Variants in NGLY1 observed in about 807,000 individuals in gnomAD.
NGLY1 encodes N-glycanase 1, also known as peptide-N(4)-(N-acetyl-beta-glucosaminyl)asparagine amidase.
A neutral mutation model predicts 84.6 loss-of-function variants in NGLY1; 68 were observed. The observed-to-expected ratio is 0.80, with a 90% CI of 0.66 to 0.98. The LOEUF (loss-of-function observed/expected upper bound fraction) is 0.98. Ranked by LOEUF, NGLY1 falls within the 50% of genes least tolerant of loss-of-function variation. The probability of loss-of-function intolerance (pLI) is 0.00; values close to 1 mark genes in which losing one functional copy is unlikely to be tolerated. For missense variants in NGLY1, 779 were observed against 770.2 expected (o/e 1.01, Z -0.14); for synonymous variants, 280 against 275.2 (o/e 1.02, Z -0.17).
chr3:25,722,328 T>C (rs1705043606), intron 10 of NGLY1, among the ~76,000 whole-genome samples: 1 of 151,856 alleles, frequency 6.6e-6, no homozygotes, highest in Non-Finnish European at 1.5e-5. Context: ...AACATCTAAC[T>C]CATACTCTAG....
Position 25,739,585 on chromosome 3 carries a change from T to A in NGLY1, c.873A>T (p.Arg291=). 1 of 1,614,072 alleles carries A rather than the reference T, an allele frequency of 6.2e-7. No homozygotes were observed. The highest frequency in any genetic ancestry group is 8.5e-7 in the Non-Finnish European group (1 of 1,179,964). ...HYCDACQFSN[R]FPRYNNPEKL... ...CCATCCAGGGCACCCACCTTGGGAA[T>A]CGATTGCTGAACTGGCAGGCATCAC... The change falls in exon 5 of 12, where the codon CGA becomes CGT. Residue 291 remains arginine, a synonymous_variant. Transcript: ENST00000280700.
At chr3:25,719,772 G>A (rs1704886718) in intron 11 of NGLY1, 137 bp from the exon 12 acceptor site, 2 of 728,442 alleles carry the variant, frequency 2.7e-6, no homozygotes, top group Middle Eastern at 3.5e-4. Flanking sequence ...TATTCTTTAT[G>A]GAAGAAATGC....
chr3:25,789,750 C>G, intron 1 of NGLY1: 1 of 1,289,396 alleles, frequency 7.8e-7, no homozygotes, highest in South Asian at 1.3e-5. Context: ...TTCCTTAATT[C>G]TTTCTTACAA....
At chr3:25,784,190 C>G (rs1340602469), upstream of NGLY1, 1 of 152,174 alleles carries the variant, frequency 6.6e-6, no homozygotes, top group African/African-American at 2.4e-5. Flanking sequence ...CAGAATTTGG[C>G]TAATGACTGA....
rs1239338467 is a variant in NGLY1, at chr3:25,783,407, G to GCGC, written c.-20_-18dup. On this transcript the variant is annotated 5_prime_UTR_variant, in exon 1 of 12. Transcript: ENST00000280700. This position sits in a 1 kb window ranked among gnomAD's most constrained non-coding sequence, Gnocchi z 4.5. ...CGCCGCCATGCTTGAGCGCCAGCGGGCGCCGCCGCCGCCCCTCGCTCTCCG... is the reference window on the plus strand; with the variant it reads ...CGCCGCCATGCTTGAGCGCCAGCGGGCGCCGCCGCCGCCGCCCCTCGCTCTCCG... The GCGC allele has an allele frequency of 2.0e-6, 3 of 1,522,680 alleles. No individual in the cohort carries two copies. The highest frequency in any genetic ancestry group is 2.4e-5 in the South Asian group (2 of 82,934). 94.3% of individuals were successfully genotyped at this position (1,522,680 alleles called of 1,614,324 possible). A position where few individuals can be genotyped will look rare whatever the true frequency, so the allele number is the denominator to read the frequency against.
At chr3:25,780,906 T>C (rs763294221) in intron 1 of NGLY1, among the ~76,000 whole-genome samples, 2 of 152,178 alleles carry the variant, frequency 1.3e-5, no homozygotes, top group African/African-American at 2.4e-5. Context: ...CTTTGTTATT[T>C]TGATATATGT....
chr3:25,729,499 T>C (rs892826512), intron 9 of NGLY1, 181 bp from the exon 10 acceptor site: 2 of 364,632 alleles, frequency 5.5e-6, no homozygotes, highest in East Asian at 4.1e-5. Flanking sequence ...TTATTATAAC[T>C]CTAAACATTA....
rs375967353 is a variant in NGLY1 at position 25,778,599 on chromosome 3, C to T, written c.221G>A (p.Cys74Tyr). 4 of 1,610,408 alleles carry T rather than the reference C, an allele frequency of 2.5e-6. No homozygotes were observed. In the African/African-American group the frequency reaches 5.4e-5, roughly 22 times the overall value. ...RLLPVRGAVE[C>Y]LFEMGFEEGE... is the part of the protein sequence containing the mutation. ...CTCTTCAAAGCCCATTTCAAATAAA[C>T]ATTCAACAGCTCCTCTGACAGGCAA... Residue 74 changes from cysteine to tyrosine, a missense_variant, in exon 2 of 12, where the codon TGT becomes TAT. By Grantham distance (194) the Cys-to-Tyr change is radical. Transcript: ENST00000280700.
intron 4 of NGLY1, among the ~76,000 whole-genome samples, chr3:25,745,398 G>GT (rs1706369293): frequency 6.6e-6 from 1 of 152,166 alleles, no homozygotes; most frequent in Non-Finnish European, 1.5e-5. Flanking sequence ...ATCCTGAAGT[G>GT]TATTTCAAGG....
chr3:25,772,200 C>G (rs1309490119), intron 2 of NGLY1, among the ~76,000 whole-genome samples: 1 of 152,110 alleles, frequency 6.6e-6, no homozygotes, highest in African/African-American at 2.4e-5. Context: ...AAGGTATGTC[C>G]CTTCTATGCC....
At chr3:25,736,457 A>T in intron 6 of NGLY1, 3 of 1,394,350 alleles carry the variant, frequency 2.2e-6, no homozygotes, top group Non-Finnish European at 3.0e-6. Context: ...TGAGTTTACT[A>T]TCATGAAGGA....
chr3:25,755,427 C>T (rs1706991431), intron 3 of NGLY1: 1 of 1,456,782 alleles, frequency 6.9e-7, no homozygotes, highest in Non-Finnish European at 9.6e-7. Flanking sequence ...GTGTCTGTCC[C>T]AAATAAAGTT....
chr3:25,731,797 A>G (rs895699224), intron 9 of NGLY1, among the ~76,000 whole-genome samples: 2 of 152,168 alleles, frequency 1.3e-5, no homozygotes, highest in African/African-American at 4.8e-5. Flanking sequence ...AAAGTTACAC[A>G]AAACAAGCTA....
chr3:25,737,254 G>T (rs540775899), intron 6 of NGLY1, 80 bp downstream of exon 6: 24 of 1,234,134 alleles, frequency 1.9e-5, no homozygotes, highest in Non-Finnish European at 2.7e-5. Flanking sequence ...AAGTAACAGA[G>T]AATCATGGGC....
intron 4 of NGLY1, among the ~76,000 whole-genome samples, chr3:25,743,562 C>G (rs945346051): frequency 4.8e-5 from 5 of 104,720 alleles, no homozygotes; most frequent in African/African-American, 1.4e-4. Context: ...CTTCCTAGCA[C>G]TTTTCACTAG....
Position 25,741,750 on chromosome 3 carries a change from G to A in NGLY1, c.659-1951C>T, listed in dbSNP as rs183620651. ...TCACGCCTATAATCCCAGCACTTTA[G>A]GAGGCTGAGGTGGGAGGATCACTTG... On this transcript the variant is annotated intron_variant, in intron 4 of 11. Transcript: ENST00000280700. 8.1e-4 allele frequency among the ~76,000 whole-genome samples: 123 copies of A among 152,198 alleles called. 1 individual carries two copies. Among genetic ancestry groups the A allele is most frequent in the Admixed American group, 5.2e-3 (80 of 15,292 alleles).
chr3:25,763,684 T>C (rs899922533), intron 3 of NGLY1, among the ~76,000 whole-genome samples: 1 of 152,236 alleles, frequency 6.6e-6, no homozygotes, highest in Admixed American at 6.5e-5. Flanking sequence ...ACTTTAGTTC[T>C]TCACAAGTAT....
chr3:25,731,208 T>C (rs1448193882), intron 9 of NGLY1, among the ~76,000 whole-genome samples: 1 of 152,024 alleles, frequency 6.6e-6, no homozygotes, highest in Admixed American at 6.6e-5. Context: ...ATTCCCCAAA[T>C]TCTGTATTTT....
At position 25,755,794 on chromosome 3, in the gene NGLY1, T is replaced by A; in HGVS notation, c.493-4531A>T. 8.0e-6 allele frequency: 5 copies of A among 626,210 alleles called. No homozygotes were observed. In the South Asian group the frequency reaches 1.1e-4, roughly 14 times the overall value. 38.8% of individuals were successfully genotyped at this position (626,210 alleles called of 1,614,324 possible). ...TTACCTTAAAAGACTTTCATATTAGTTAAAACTGTTAGATCTCTTTAGTAA... is the reference window on the plus strand; with the variant it reads ...TTACCTTAAAAGACTTTCATATTAGATAAAACTGTTAGATCTCTTTAGTAA... On this transcript the variant is annotated intron_variant, in intron 3 of 11. Coordinates refer to ENST00000280700, the MANE Select transcript of NGLY1 (RefSeq NM_018297.4).
Sources: gnomAD v4.1 joint callset for allele counts (sites outside exome capture counted in the v4.1 genomes callset) on GRCh38, gnomAD v4.1.1 for gene constraint, Gnocchi (gnomAD v3.1) non-coding constraint, MANE v1.5 for transcripts, NCBI Gene and HGNC (gene_info 2026-07-23, HGNC 2026-07-21) for gene names.